The following LHPP variants were observed in gnomAD, a reference collection of about 807,000 sequenced individuals.
LHPP encodes hLHPP.
LHPP carries 24 observed loss-of-function variants against 30.3 expected under a neutral mutation model. The ratio of observed to expected loss-of-function variants is 0.79; its 90% CI spans 0.57 to 1.11. The LOEUF is 1.11. Among genes scored for constraint, LHPP ranks in the 50% most tolerant of loss-of-function variants. LHPP has a pLI of 0.00. For synonymous variants in LHPP, 150 were observed against 157.1 expected (o/e 0.95, Z 0.34); for missense variants, 356 against 367.2 (o/e 0.97, Z 0.25).
chr10:124,599,790 G>A (rs375019302), intron 6 of LHPP, among the ~76,000 whole-genome samples: 4 of 152,226 alleles, frequency 2.6e-5, no homozygotes, highest in East Asian at 1.9e-4. Flanking sequence ...GGCTTGAACC[G>A]AGTGTCGTGC....
intron 6 of LHPP, among the ~76,000 whole-genome samples, chr10:124,610,391 G>A (rs1949159849): frequency 6.6e-6 from 1 of 151,338 alleles, no homozygotes; most frequent in African/African-American, 2.5e-5. Flanking sequence ...TGAGGGTGCG[G>A]GTGAGGGTGC....
chr10:124,515,156 G>A (rs1349525953), intron 5 of LHPP, among the ~76,000 whole-genome samples: 1 of 152,126 alleles, frequency 6.6e-6, no homozygotes, highest in Non-Finnish European at 1.5e-5. Flanking sequence ...TTGAAGTTGT[G>A]CCATAGCTCA....
intron 6 of LHPP, among the ~76,000 whole-genome samples, chr10:124,552,957 C>T (rs2092319988): frequency 6.6e-6 from 1 of 152,250 alleles, no homozygotes; most frequent in Non-Finnish European, 1.5e-5. Context: ...CCGTAATTAA[C>T]ATTTACCAAA....
chr10:124,473,527 A>G (rs994666811), intron 1 of LHPP, among the ~76,000 whole-genome samples: 1 of 152,122 alleles, frequency 6.6e-6, no homozygotes, highest in Non-Finnish European at 1.5e-5. Context: ...TCTGCCCCAT[A>G]GTTGCCATGT....
intron 6 of LHPP, among the ~76,000 whole-genome samples, chr10:124,599,617 C>T (rs34769816): frequency 6.6e-6 from 1 of 152,192 alleles, no homozygotes; most frequent in African/African-American, 2.4e-5. Flanking sequence ...TCCCACGTGT[C>T]ACTGGAATTC....
rs899437518 is a variant in LHPP, at chr10:124,541,061, G to A, written c.716+23790G>A. ...TTATTTAACAGCTTTTTTAATGGAG[G>A]AAGGGGCCCCCCAAATCACAAAGTG... is the stretch of plus-strand genomic sequence containing the variant. On this transcript the variant is annotated intron_variant, in intron 6 of 6. Coordinates refer to ENST00000368842, the MANE Select transcript of LHPP (RefSeq NM_022126.4). This position sits in a 1 kb window ranked among gnomAD's most constrained non-coding sequence, Gnocchi z 4.2. 6.6e-6 allele frequency among the ~76,000 whole-genome samples: 1 copy of A among 152,182 alleles called. No homozygotes were observed. The highest frequency in any genetic ancestry group is 1.5e-5 in the Non-Finnish European group (1 of 68,038).
At position 124,517,229 on chromosome 10, in the gene LHPP, G is replaced by A. The variant is rs771378730; in HGVS notation, c.674G>A (p.Arg225Gln). 9.3e-6 allele frequency: 15 copies of A among 1,606,246 alleles called. No individual in the cohort carries two copies. Among genetic ancestry groups the A allele is most frequent in the Admixed American group, 8.5e-5 (5 of 58,656 alleles). ...DIVGDVGGAQ[R>Q]CGMRALQVRT... is the part of the protein sequence containing the mutation. ...GTGGGCGACGTCGGCGGTGCCCAGCGGTGTGGAATGAGAGCGCTGCAGGTG... is the reference window on the plus strand; with the variant it reads ...GTGGGCGACGTCGGCGGTGCCCAGCAGTGTGGAATGAGAGCGCTGCAGGTG... The change falls in exon 6 of 7, where the codon CGG becomes CAG. Residue 225 changes from arginine (R) to glutamine (Q), a missense_variant. Coordinates refer to ENST00000368842, the MANE Select transcript of LHPP (RefSeq NM_022126.4). The surrounding 1 kb of genome is among the most constrained non-coding windows in gnomAD (Gnocchi z 4.1).
chr10:124,581,192 G>C (rs61311987), intron 6 of LHPP, among the ~76,000 whole-genome samples: 1 of 151,952 alleles, frequency 6.6e-6, no homozygotes, highest in Non-Finnish European at 1.5e-5. Flanking sequence ...TTTACTCTGC[G>C]TGTTTTCAAG....
intron 6 of LHPP, among the ~76,000 whole-genome samples, chr10:124,572,715 AAGG>A (rs766785708): frequency 9.1e-5 from 13 of 142,836 alleles, no homozygotes; most frequent in Non-Finnish European, 1.5e-4. Flanking sequence ...GGGAGGGAGA[AAGG>A]AGGAAGGGAG....
At chr10:124,597,748 G>C (rs1292689910) in intron 6 of LHPP, among the ~76,000 whole-genome samples, 1 of 152,162 alleles carries the variant, frequency 6.6e-6, no homozygotes, top group Admixed American at 6.5e-5. Flanking sequence ...CGTGTGCCCT[G>C]CCTGTGCCCC....
At chr10:124,479,965 C>T (rs1158247391) in intron 1 of LHPP, among the ~76,000 whole-genome samples, 3 of 152,196 alleles carry the variant, frequency 2.0e-5, no homozygotes, top group Non-Finnish European at 4.4e-5. Flanking sequence ...CAGCCAGGCA[C>T]CTGGGCCTTG....
chr10:124,546,099 C>T (rs1357155730), intron 6 of LHPP: 1 of 151,976 alleles, frequency 6.6e-6, no homozygotes, highest in South Asian at 2.1e-4. Flanking sequence ...GGCACAAGCT[C>T]TTTGAGGCAG....
At chr10:124,584,201 T>A (rs1452417400) in intron 6 of LHPP, among the ~76,000 whole-genome samples, 6 of 96,384 alleles carry the variant, frequency 6.2e-5, no homozygotes, top group Admixed American at 5.4e-4. Flanking sequence ...GGAGACCCCA[T>A]CTCTGAAAAA....
At chr10:124,493,886 C>G (rs1236779944) in intron 3 of LHPP, 1 of 152,186 alleles carries the variant, frequency 6.6e-6, no homozygotes, top group Non-Finnish European at 1.5e-5. Flanking sequence ...TATATTTGCT[C>G]TGTCTCTAAA....
At chr10:124,565,044 C>T (rs529763160) in intron 6 of LHPP, among the ~76,000 whole-genome samples, 4 of 152,244 alleles carry the variant, frequency 2.6e-5, no homozygotes, top group African/African-American at 9.6e-5. Context: ...CCTTGTCCAG[C>T]AAGCGCTCTG....
Position 124,482,988 on chromosome 10 carries a change from C to T in LHPP, c.126-1151C>T, listed in dbSNP as rs143088039. On this transcript the variant is annotated intron_variant, in intron 1 of 6. Transcript: ENST00000368842. ...CTGTGCACCAGGCCAGTGCCAGGCACGTAGTAGGCGCTCAGTGACAGTTTG... is the reference window on the plus strand; with the variant it reads ...CTGTGCACCAGGCCAGTGCCAGGCATGTAGTAGGCGCTCAGTGACAGTTTG... Among the ~76,000 whole-genome samples, 755 of 152,340 alleles carry T rather than the reference C, an allele frequency of 5.0e-3. 3 individuals are homozygous for T. The highest frequency in any genetic ancestry group is 0.014 in the Middle Eastern group (4 of 294).
At chr10:124,489,837 G>T in intron 3 of LHPP, 1 of 210,610 alleles carries the variant, frequency 4.7e-6, no homozygotes, top group South Asian at 6.4e-5. Context: ...TGAGGTGGCT[G>T]ACCATGTCCA....
intron 6 of LHPP, among the ~76,000 whole-genome samples, chr10:124,594,560 C>T (rs193174192): frequency 1.3e-4 from 20 of 152,096 alleles, no homozygotes; most frequent in African/African-American, 2.9e-4. Context: ...CTCCCAGGGT[C>T]GAACGTCTCC....
chr10:124,466,334 C>G (rs1365834873), intron 1 of LHPP, among the ~76,000 whole-genome samples: 1 of 152,176 alleles, frequency 6.6e-6, no homozygotes, highest in Non-Finnish European at 1.5e-5. Flanking sequence ...CATAAAGACA[C>G]TGGAAGGACG....
Sources: gnomAD v4.1 joint callset for allele counts (sites outside exome capture counted in the v4.1 genomes callset) on GRCh38, gnomAD v4.1.1 for gene constraint, Gnocchi (gnomAD v3.1) non-coding constraint, MANE v1.5 for transcripts, NCBI Gene and HGNC (gene_info 2026-07-23, HGNC 2026-07-21) for gene names.